Variants in CCDC3 observed in about 807,000 individuals in gnomAD.
CCDC3 encodes coiled-coil domain containing 3.
A neutral mutation model predicts 21.4 loss-of-function variants in CCDC3; 24 were observed. The observed-to-expected ratio is 1.12, with a 90% confidence interval of 0.81 to 1.58. CCDC3 has a LOEUF of 1.58. Ranked by LOEUF, CCDC3 falls within the 40% of genes most tolerant of loss-of-function variation. The pLI, the probability that CCDC3 is intolerant of heterozygous loss-of-function variation, is 0.00. For synonymous variants in CCDC3, 186 were observed against 166.0 expected (o/e 1.12, Z -0.93); for missense variants, 425 against 360.9 (o/e 1.18, Z -1.44).
At chr10:12,972,172 C>T (rs1483305326) in intron 2 of CCDC3, among the ~76,000 whole-genome samples, 1 of 152,090 alleles carries the variant, frequency 6.6e-6, no homozygotes, top group African/African-American at 2.4e-5. Context: ...GCTCACGCAC[C>T]CACACATGCC....
intron 2 of CCDC3, among the ~76,000 whole-genome samples, chr10:12,974,537 CTCAGCCTCCTT>C (rs1379470528): frequency 3.3e-5 from 5 of 152,216 alleles, no homozygotes; most frequent in African/African-American, 1.2e-4. Context: ...TCCACCTAAA[CTCAGCCTCCTT>C]TCAGCCTTCT....
At chr10:13,023,585 C>T (rs1023531778) in intron 5 of CCDC3, among the ~76,000 whole-genome samples, 2 of 152,120 alleles carry the variant, frequency 1.3e-5, no homozygotes, top group African/African-American at 2.4e-5. Flanking sequence ...AAGCTAGTCA[C>T]GTGGCCAAGC....
chr10:12,979,034 T>C (rs2131270253), intron 2 of CCDC3, among the ~76,000 whole-genome samples: 1 of 152,184 alleles, frequency 6.6e-6, no homozygotes, highest in East Asian at 1.9e-4. Flanking sequence ...CAGGCTCCCA[T>C]GTTGACAGAA....
At chr10:13,052,465 T>C (rs995846015) in intron 4 of CCDC3, among the ~76,000 whole-genome samples, 2 of 152,252 alleles carry the variant, frequency 1.3e-5, no homozygotes, top group Admixed American at 6.5e-5. Context: ...AATTATTACA[T>C]ACATATGTTC....
chr10:13,058,833 C>A (rs1836716021), intron 4 of CCDC3, among the ~76,000 whole-genome samples: 1 of 152,192 alleles, frequency 6.6e-6, no homozygotes, highest in South Asian at 2.1e-4. Flanking sequence ...TAGCTTGGCA[C>A]AGCTGGGTGG....
At chr10:13,007,742 C>A (rs1835941620) in intron 5 of CCDC3, among the ~76,000 whole-genome samples, 1 of 152,022 alleles carries the variant, frequency 6.6e-6, no homozygotes, top group African/African-American at 2.4e-5. Flanking sequence ...AATCCTAATA[C>A]AAAATAGTGG....
intron 2 of CCDC3, among the ~76,000 whole-genome samples, chr10:12,911,128 G>T (rs1364904320): frequency 6.6e-6 from 1 of 152,156 alleles, no homozygotes; most frequent in African/African-American, 2.4e-5. Flanking sequence ...TTCTCATCCT[G>T]GTTCCTGTGT....
At chr10:13,008,850 G>A (rs1384097705) in intron 5 of CCDC3, among the ~76,000 whole-genome samples, 1 of 152,178 alleles carries the variant, frequency 6.6e-6, no homozygotes, top group Non-Finnish European at 1.5e-5. Context: ...GTGAAAGACT[G>A]AGTGCTTTCC....
Position 13,069,941 on chromosome 10 carries a change from G to A in CCDC3, c.-270+3927C>T, listed in dbSNP as rs149597046. ...AACAGATGGTTTATAACCAGCTATA[G>A]AACTTTGACAGGTGCTCTGAAATGC... On this transcript the variant is annotated intron_variant, in intron 4 of 6. Coordinates refer to the CCDC3 transcript ENST00000378839. Among the ~76,000 whole-genome samples, 8 of 152,226 alleles carry A rather than the reference G, an allele frequency of 5.3e-5. No individual in the cohort carries two copies. The East Asian group carries it at 7.7e-4, about 15-fold the overall frequency.
Position 13,001,185 on chromosome 10 carries a change from C to T in CCDC3, c.374+12G>A, listed in dbSNP as rs1285263723. On this transcript the variant is annotated intron_variant, in intron 1 of 2. Transcript: ENST00000378825. Reference sequence around the variant, plus strand: ...AGAGAGAGAGAGGTGGCGGCGGCGCCGCCGGGCTCACCTGAGGAAGAAGAA... The same window carrying T: ...AGAGAGAGAGAGGTGGCGGCGGCGCTGCCGGGCTCACCTGAGGAAGAAGAA... The T allele has an allele frequency of 1.3e-6, 2 of 1,545,232 alleles. No homozygotes were observed. The highest frequency in any genetic ancestry group is 8.7e-7 in the Non-Finnish European group (1 of 1,144,374).
chr10:12,943,032 C>T (rs892745542), intron 2 of CCDC3, among the ~76,000 whole-genome samples: 6 of 152,044 alleles, frequency 3.9e-5, no homozygotes, highest in East Asian at 1.9e-4. Flanking sequence ...TCTGTAGGTA[C>T]GTATGTGTGA....
chr10:13,024,089 C>T (rs1432822913), intron 5 of CCDC3, among the ~76,000 whole-genome samples: 1 of 152,146 alleles, frequency 6.6e-6, no homozygotes, highest in Admixed American at 6.5e-5. Flanking sequence ...GTGCTTTAGG[C>T]TCTGTTCTCT....
chr10:13,032,781 C>T (rs1198618730), intron 5 of CCDC3, among the ~76,000 whole-genome samples: 1 of 152,132 alleles, frequency 6.6e-6, no homozygotes, highest in South Asian at 2.1e-4. Flanking sequence ...ATCCAACTTA[C>T]AAGGGATGTG....
chr10:12,981,177 A>ATTTTTTTTTTTTTT (rs59193619), intron 2 of CCDC3, among the ~76,000 whole-genome samples: 1 of 105,558 alleles, frequency 9.5e-6, no homozygotes, highest in African/African-American at 3.9e-5. Flanking sequence ...CTGGCCCAGG[A>ATTTTTTTTTTTTTT]TTTTTTTTTT....
intron 2 of CCDC3, among the ~76,000 whole-genome samples, chr10:12,941,983 TC>T: frequency 6.6e-6 from 1 of 152,238 alleles, no homozygotes. Context: ...TTCCTGACCA[TC>T]TTCTTAAATG....
At chr10:12,956,444 C>G (rs1451164341) in intron 2 of CCDC3, among the ~76,000 whole-genome samples, 1 of 152,216 alleles carries the variant, frequency 6.6e-6, no homozygotes, top group Non-Finnish European at 1.5e-5. Context: ...TGGCTGCTCC[C>G]TGCTCCCTTC....
intron 3 of CCDC3, among the ~76,000 whole-genome samples, chr10:13,093,484 T>C (rs1427267066): frequency 2.0e-5 from 3 of 152,188 alleles, no homozygotes; most frequent in Non-Finnish European, 4.4e-5. Flanking sequence ...AGCCAAGTAT[T>C]AAGTCAACCT....
intron 2 of CCDC3, among the ~76,000 whole-genome samples, chr10:12,908,497 CT>C (rs1329077112): frequency 1.3e-5 from 2 of 152,146 alleles, no homozygotes; most frequent in Non-Finnish European, 2.9e-5. Flanking sequence ...ACAAAGAAGC[CT>C]GGGAAACACT....
At chr10:13,087,274 C>T (rs1007783764) in intron 3 of CCDC3, among the ~76,000 whole-genome samples, 4 of 152,052 alleles carry the variant, frequency 2.6e-5, no homozygotes, top group African/African-American at 9.7e-5. Context: ...CATGGTGGTG[C>T]ATGCCTGTAA....
Sources: allele counts gnomAD v4.1 joint callset (sites outside exome capture counted in the v4.1 genomes callset), GRCh38; gene constraint gnomAD v4.1.1; transcripts MANE v1.5; gene names NCBI Gene and HGNC (gene_info 2026-07-23, HGNC 2026-07-21).